Variants in FRRS1 observed in about 807,000 individuals in gnomAD.
The protein encoded by FRRS1 is ferric reductase 1.
A neutral mutation model predicts 70.7 loss-of-function variants in FRRS1; 51 were observed. The ratio of observed to expected loss-of-function variants is 0.72; its 90% CI spans 0.58 to 0.91. The LOEUF is 0.91. Among genes scored for constraint, FRRS1 ranks in the 40% least tolerant of loss-of-function variants. The pLI, the probability that FRRS1 is intolerant of heterozygous loss-of-function variation, is 0.00. For synonymous variants in FRRS1, 225 were observed against 238.7 expected, an observed-to-expected ratio of 0.94 and a Z score of 0.53; for missense variants, 672 against 726.0, an observed-to-expected ratio of 0.93 and a Z score of 0.86.
At chr1:99,720,891 T>C (rs535644688) in intron 9 of FRRS1, among the ~76,000 whole-genome samples, 2 of 148,112 alleles carry the variant, frequency 1.4e-5, no homozygotes, top group African/African-American at 5.0e-5. Context: ...ACAGAAATCA[T>C]TTCATTCAAG....
rs1457015426 is a variant in FRRS1 at position 99,706,611 on chromosome 1, C to T, written c.*2417G>A. Among the ~76,000 whole-genome samples the T allele has an allele frequency of 1.3e-5, 2 of 152,204 alleles. No individual in the cohort carries two copies. The highest frequency in any genetic ancestry group is 3.4e-3 in the Middle Eastern group (1 of 294). Reference sequence around the variant, plus strand: ...CTCATCTTTCCCTTAAAAGAATTTTCAGCTGGGCACAGTGGCTCGTGCCTG... The same window carrying T: ...CTCATCTTTCCCTTAAAAGAATTTTTAGCTGGGCACAGTGGCTCGTGCCTG... On this transcript the variant is annotated 3_prime_UTR_variant, in exon 17 of 17. Coordinates refer to ENST00000646001, the MANE Select transcript of FRRS1 (RefSeq NM_001361041.2).
Position 99,705,894 on chromosome 1 carries a change from G to A in FRRS1, c.*3134C>T, listed in dbSNP as rs1243824756. 6.6e-6 allele frequency among the ~76,000 whole-genome samples: 1 copy of A among 151,884 alleles called. No homozygotes were observed. Among genetic ancestry groups the A allele is most frequent in the Non-Finnish European group, 1.5e-5 (1 of 67,992 alleles). The stretch of plus-strand genomic sequence containing the variant: ...AACATGATTTTGCTCATTGTTTTTG[G>A]CAACATTGCTAAAGATATAAAAGCA... On this transcript the variant is annotated 3_prime_UTR_variant, in exon 17 of 17. Transcript: ENST00000646001.
chr1:99,758,039 G>C (rs184149882), intron 1 of FRRS1, among the ~76,000 whole-genome samples: 1 of 152,068 alleles, frequency 6.6e-6, no homozygotes, highest in South Asian at 2.1e-4. Context: ...ATCTAAAGGG[G>C]AAAAGTGGGC....
At chr1:99,732,954 C>T (rs147796053) in intron 7 of FRRS1, among the ~76,000 whole-genome samples, 237 of 152,048 alleles carry the variant, frequency 1.6e-3, no homozygotes, top group African/African-American at 5.4e-3. Context: ...AGTGATCCTC[C>T]CACCTCAGCC....
At chr1:99,711,903 CCTTAAA>C (rs1654289699) in intron 14 of FRRS1, among the ~76,000 whole-genome samples, 196 bp downstream of exon 14, 1 of 152,162 alleles carries the variant, frequency 6.6e-6, no homozygotes, top group African/African-American at 2.4e-5. Flanking sequence ...ATTGTAAAGA[CCTTAAA>C]CTTAAAACTG....
chr1:99,752,397 C>T (rs759693930), intron 1 of FRRS1, among the ~76,000 whole-genome samples: 1 of 152,088 alleles, frequency 6.6e-6, no homozygotes, highest in Non-Finnish European at 1.5e-5. Context: ...TCTTAAATGG[C>T]CCAATTTCAA....
In FRRS1 at chr1:99,740,782, T is replaced by C. The variant is rs761040306; in HGVS notation, c.576+11A>G. On this transcript the variant is annotated intron_variant, in intron 6 of 16. Coordinates refer to ENST00000646001, the MANE Select transcript of FRRS1 (RefSeq NM_001361041.2). ...CCCCATCTCTACAGAGAAAATAAAA[T>C]TGTTACTTACTGGTTTGGTTAAGTG... 1.7e-5 allele frequency: 27 copies of C among 1,589,728 alleles called. No homozygotes were observed. The highest frequency in any genetic ancestry group is 2.2e-5 in the South Asian group (2 of 90,544).
intron 1 of FRRS1, among the ~76,000 whole-genome samples, chr1:99,762,637 T>C (rs1657166086): frequency 6.6e-6 from 1 of 152,154 alleles, no homozygotes; most frequent in Non-Finnish European, 1.5e-5. Flanking sequence ...TCTGTTTAGA[T>C]AACAAAAAAC....
chr1:99,733,704 T>C (rs1273614627), intron 7 of FRRS1, among the ~76,000 whole-genome samples: 1 of 152,216 alleles, frequency 6.6e-6, no homozygotes, highest in Non-Finnish European at 1.5e-5. Context: ...AAAACTCGTA[T>C]TTTCATAAGA....
intron 7 of FRRS1, among the ~76,000 whole-genome samples, chr1:99,733,782 G>T (rs1253394536): frequency 6.6e-6 from 1 of 152,180 alleles, no homozygotes; most frequent in Non-Finnish European, 1.5e-5. Flanking sequence ...TGATTCATAG[G>T]AGAAACATCA....
chr1:99,721,714 T>G (rs1245432093), intron 9 of FRRS1, among the ~76,000 whole-genome samples: 1 of 151,270 alleles, frequency 6.6e-6, no homozygotes, highest in Non-Finnish European at 1.5e-5. Context: ...TTCTCCTGCC[T>G]CAGACTCCCG....
chr1:99,741,101 T>C (rs933908546), intron 5 of FRRS1, among the ~76,000 whole-genome samples, 161 bp from the exon 6 acceptor site: 1 of 152,180 alleles, frequency 6.6e-6, no homozygotes, highest in Non-Finnish European at 1.5e-5. Context: ...AACCACTCTC[T>C]CCCACCCGAT....
chr1:99,728,021 A>G (rs1655151839), intron 9 of FRRS1, among the ~76,000 whole-genome samples: 1 of 152,218 alleles, frequency 6.6e-6, no homozygotes, highest in Non-Finnish European at 1.5e-5. Context: ...TCAGCTGTCC[A>G]GGACCTATTC....
At chr1:99,733,755 A>C (rs1388251061) in intron 7 of FRRS1, among the ~76,000 whole-genome samples, 1 of 152,252 alleles carries the variant, frequency 6.6e-6, no homozygotes, top group Non-Finnish European at 1.5e-5. Context: ...CCATTTTGCA[A>C]CCACAAATGT....
chr1:99,754,801 A>T (rs556383652), intron 1 of FRRS1, among the ~76,000 whole-genome samples: 13 of 152,212 alleles, frequency 8.5e-5, no homozygotes, highest in Non-Finnish European at 1.9e-4. Context: ...TACGTAAACA[A>T]ATCCCTCACT....
At position 99,706,439 on chromosome 1, in the gene FRRS1, G is replaced by T. The variant is rs566404394; in HGVS notation, c.*2589C>A. ...AAAAAAAAAAAGATTAAATGCAAAG[G>T]CTTATTCGGGGAACTCTGTATGTAA... On this transcript the variant is annotated 3_prime_UTR_variant, in exon 17 of 17. Transcript: ENST00000646001. Among the ~76,000 whole-genome samples, 208 of 151,602 alleles carry T rather than the reference G, an allele frequency of 1.4e-3. No individual in the cohort carries two copies. The highest frequency in any genetic ancestry group is 2.7e-3 in the Non-Finnish European group (180 of 67,914).
intron 6 of FRRS1, 65 bp from the exon 7 acceptor site, chr1:99,738,333 G>T: frequency 8.4e-7 from 1 of 1,190,876 alleles, no homozygotes; most frequent in Non-Finnish European, 1.2e-6. Context: ...GGCAATGACA[G>T]AAGAATAACT....
rs1197290701 is a variant in FRRS1 at position 99,703,975 on chromosome 1, C to A, written c.*5053G>T. On this transcript the variant is annotated 3_prime_UTR_variant, in exon 17 of 17. Coordinates refer to ENST00000646001, the MANE Select transcript of FRRS1 (RefSeq NM_001361041.2). The stretch of plus-strand genomic sequence containing the variant: ...TCATATTAATACAATAGTCGTCCTG[C>A]GTCTGCTTTATTTTATTCAGCATAA... Among the ~76,000 whole-genome samples the A allele has an allele frequency of 6.6e-6, 1 of 152,004 alleles. No individual in the cohort carries two copies. Among genetic ancestry groups the A allele is most frequent in the African/African-American group, 2.4e-5 (1 of 41,360 alleles).
rs760587320 is a variant in FRRS1 at position 99,740,833 on chromosome 1, G to A, written c.536C>T (p.Pro179Leu). Residue 179 changes from proline (P) to leucine (L), a missense_variant, in exon 6 of 17, where the codon CCT becomes CTT. Transcript: ENST00000646001. ...PFTTPKATVV[P>L]LPTLPPVSHL... Reference sequence around the variant, plus strand: ...GGAAACGGGAGGTAACGTTGGCAAAGGTACTACTGTAGCTTTAGGTGTTGT... The same window carrying A: ...GGAAACGGGAGGTAACGTTGGCAAAAGTACTACTGTAGCTTTAGGTGTTGT... The A allele has an allele frequency of 1.5e-4, 244 of 1,612,812 alleles. No homozygotes were observed. Among genetic ancestry groups the A allele is most frequent in the Non-Finnish European group, 1.9e-4 (221 of 1,178,924 alleles).
Sources: allele counts gnomAD v4.1 joint callset (sites outside exome capture counted in the v4.1 genomes callset), GRCh38; gene constraint gnomAD v4.1.1; transcripts MANE v1.5; gene names NCBI Gene and HGNC (gene_info 2026-07-23, HGNC 2026-07-21).